Variants in SPAG16 observed in about 807,000 individuals in gnomAD.
SPAG16 encodes the protein sperm-associated antigen 16 protein.
In SPAG16, 86 loss-of-function variants were observed where a neutral mutation model predicts 80.4. That is an observed-to-expected ratio of 1.07 (90% CI 0.90 to 1.28). The LOEUF (loss-of-function observed/expected upper bound fraction) is 1.28, where lower values mean the gene tolerates loss of function less well. SPAG16 is among the 50% of genes most tolerant of loss of function. SPAG16 has a pLI of 0.00. For synonymous variants in SPAG16, 294 were observed against 265.9 expected (o/e 1.11, Z -1.03); for missense variants, 870 against 765.3 (o/e 1.14, Z -1.61).
At chr2:214,350,518 T>C (rs1381951614) in intron 15 of SPAG16, among the ~76,000 whole-genome samples, 1 of 152,206 alleles carries the variant, frequency 6.6e-6, no homozygotes, top group African/African-American at 2.4e-5. Flanking sequence ...AGACACAGGA[T>C]TATTATCTGA....
At chr2:214,155,103 G>T (rs1322051520) in intron 15 of SPAG16, among the ~76,000 whole-genome samples, 1 of 152,152 alleles carries the variant, frequency 6.6e-6, no homozygotes, top group Admixed American at 6.6e-5. Context: ...AAGGCAGCTT[G>T]AGTTTGCAGG....
chr2:213,288,360 A>G (rs1318974329), intron 1 of SPAG16, among the ~76,000 whole-genome samples: 4 of 152,178 alleles, frequency 2.6e-5, no homozygotes, highest in Admixed American at 2.6e-4. Context: ...GCTGGAGTGT[A>G]GTGGCACGAT....
At chr2:214,371,207 C>T (rs1699793142) in intron 15 of SPAG16, among the ~76,000 whole-genome samples, 1 of 151,950 alleles carries the variant, frequency 6.6e-6, no homozygotes, top group African/African-American at 2.4e-5. Flanking sequence ...ATGTGTTGTC[C>T]CTGTGTAATG....
At chr2:214,156,921 A>G (rs993239515) in intron 15 of SPAG16, among the ~76,000 whole-genome samples, 3 of 152,248 alleles carry the variant, frequency 2.0e-5, no homozygotes, top group East Asian at 3.9e-4. Flanking sequence ...CCATTCTACC[A>G]CATCTGGACA....
At chr2:214,067,677 A>G (rs1264907953) in intron 13 of SPAG16, among the ~76,000 whole-genome samples, 1 of 152,030 alleles carries the variant, frequency 6.6e-6, no homozygotes, top group African/African-American at 2.4e-5. Flanking sequence ...TCATAATGAT[A>G]TACAAGTAAA....
intron 10 of SPAG16, among the ~76,000 whole-genome samples, chr2:213,508,780 G>T (rs2075088875): frequency 6.6e-6 from 1 of 152,048 alleles, no homozygotes; most frequent in South Asian, 2.1e-4. Context: ...GGTTGGGGGA[G>T]TGGGGAGGGA....
chr2:213,909,088 C>G (rs2077549384), intron 11 of SPAG16, among the ~76,000 whole-genome samples: 1 of 152,062 alleles, frequency 6.6e-6, no homozygotes, highest in Admixed American at 6.6e-5. Flanking sequence ...CAAAAACAGA[C>G]AAACAGAGAG....
At chr2:214,385,212 T>A (rs1700680303) in intron 15 of SPAG16, among the ~76,000 whole-genome samples, 1 of 152,370 alleles carries the variant, frequency 6.6e-6, no homozygotes, top group South Asian at 2.1e-4. Flanking sequence ...TCAATAGTTG[T>A]ATGCTCTTGA....
At chr2:213,390,167 A>G (rs2125288974) in intron 9 of SPAG16, among the ~76,000 whole-genome samples, 1 of 152,312 alleles carries the variant, frequency 6.6e-6, no homozygotes, top group Middle Eastern at 3.4e-3. Context: ...CGTGTATATG[A>G]GGTACTTTGA....
intron 15 of SPAG16, among the ~76,000 whole-genome samples, chr2:214,227,702 ATGTGTG>A (rs3044944): frequency 0.017 from 2,447 of 145,716 alleles, 18 homozygotes; most frequent in African/African-American, 0.022. Context: ...TGGAAGGTGT[ATGTGTG>A]TGTGTGTGTG....
intron 15 of SPAG16, among the ~76,000 whole-genome samples, chr2:214,277,905 G>C (rs1162835876): frequency 6.6e-6 from 1 of 152,186 alleles, no homozygotes; most frequent in Non-Finnish European, 1.5e-5. Flanking sequence ...ACTATGCCCT[G>C]CCCCTAGAGG....
chr2:213,959,033 T>C (rs72950772), intron 12 of SPAG16, among the ~76,000 whole-genome samples: 10 of 152,112 alleles, frequency 6.6e-5, no homozygotes, highest in Admixed American at 5.9e-4. Flanking sequence ...TATAAGAAAG[T>C]TCGTTGACGG....
chr2:214,378,634 T>A (rs1700267860), intron 15 of SPAG16, among the ~76,000 whole-genome samples: 1 of 152,120 alleles, frequency 6.6e-6, no homozygotes, highest in Admixed American at 6.5e-5. Flanking sequence ...GAGCTCCCCC[T>A]AAGGGCTACC....
intron 15 of SPAG16, among the ~76,000 whole-genome samples, chr2:214,170,081 TTA>T (rs1399879019): frequency 4.6e-5 from 7 of 151,966 alleles, no homozygotes; most frequent in Non-Finnish European, 7.4e-5. Flanking sequence ...TCCACATGCA[TTA>T]TGTTTTTGTT....
intron 8 of SPAG16, among the ~76,000 whole-genome samples, chr2:213,369,697 G>A (rs2066525429): frequency 6.6e-6 from 1 of 152,106 alleles, no homozygotes; most frequent in Non-Finnish European, 1.5e-5. Context: ...TGTCTTGTGA[G>A]CTGAATTCAT....
At chr2:213,317,507 A>G in intron 5 of SPAG16, 151 bp downstream of exon 5, 1 of 1,346,518 alleles carries the variant, frequency 7.4e-7, no homozygotes, top group Non-Finnish European at 9.5e-7. Context: ...TCATTAGCAA[A>G]TTAATTAAAC....
intron 12 of SPAG16, among the ~76,000 whole-genome samples, chr2:213,980,725 TAGAGAGAGAGAGAGAG>T (rs1553686631): frequency 1.9e-5 from 2 of 104,028 alleles, no homozygotes; most frequent in Non-Finnish European, 3.5e-5. Context: ...TATATATATA[TAGAGAGAGAGAGAGAG>T]AGAGAGAGAG....
chr2:213,829,821 G>A (rs186279381), intron 10 of SPAG16, among the ~76,000 whole-genome samples: 2 of 152,154 alleles, frequency 1.3e-5, no homozygotes, highest in Admixed American at 6.5e-5. Flanking sequence ...CTAGAATAAG[G>A]GCCTCATGAC....
chr2:214,223,789 G>C (rs576094136), intron 15 of SPAG16, among the ~76,000 whole-genome samples: 15 of 152,234 alleles, frequency 9.9e-5, no homozygotes, highest in African/African-American at 2.9e-4. Flanking sequence ...AGGTATTCAA[G>C]TGTGGATGAC....
Sources: allele counts gnomAD v4.1 joint callset (sites outside exome capture counted in the v4.1 genomes callset), GRCh38; gene constraint gnomAD v4.1.1; transcripts MANE v1.5; gene names NCBI Gene and HGNC (gene_info 2026-07-23, HGNC 2026-07-21).